Variants in NUBPL observed in about 807,000 individuals in gnomAD.
NUBPL encodes the protein iron-sulfur cluster transfer protein NUBPL.
Under a neutral mutation model 45.7 loss-of-function variants are expected in NUBPL, and 31 were observed. That is an observed-to-expected ratio of 0.68 (90% CI 0.51 to 0.92). The LOEUF (loss-of-function observed/expected upper bound fraction) is 0.92, where lower values mean the gene tolerates loss of function less well. NUBPL is among the 40% of genes least tolerant of loss of function. The pLI is 0.00. For missense variants in NUBPL, 401 were observed against 398.7 expected (o/e 1.01, Z -0.05); for synonymous variants, 144 against 140.9 (o/e 1.02, Z -0.15).
At chr14:31,722,214 G>T (rs7150042) in intron 6 of NUBPL, among the ~76,000 whole-genome samples, 19,434 of 151,982 alleles carry the variant, frequency 0.13, 3,348 homozygotes, top group African/African-American at 0.4. Context: ...TTTTCACTGT[G>T]TTTGCCAGGA....
chr14:31,603,898 T>A (rs1242879282), intron 4 of NUBPL, among the ~76,000 whole-genome samples: 1 of 152,124 alleles, frequency 6.6e-6, no homozygotes, highest in Non-Finnish European at 1.5e-5. Context: ...AGTAATGAAT[T>A]TGCATACTTT....
At chr14:31,818,012 T>G (rs2039951139) in intron 7 of NUBPL, among the ~76,000 whole-genome samples, 1 of 152,118 alleles carries the variant, frequency 6.6e-6, no homozygotes, top group Non-Finnish European at 1.5e-5. Flanking sequence ...AAGCATGGGT[T>G]GCAATCCTAG....
intron 4 of NUBPL, among the ~76,000 whole-genome samples, chr14:31,610,866 A>G (rs531366168): frequency 6.6e-6 from 1 of 152,310 alleles, no homozygotes; most frequent in South Asian, 2.1e-4. Context: ...AAAGCATTTG[A>G]TAAAATTCAA....
intron 4 of NUBPL, among the ~76,000 whole-genome samples, chr14:31,637,315 C>A (rs2035534872): frequency 6.6e-6 from 1 of 152,176 alleles, no homozygotes. Flanking sequence ...TTTCAAAGAA[C>A]ATCTTTATTT....
chr14:31,687,573 C>T (rs901841663), intron 6 of NUBPL, among the ~76,000 whole-genome samples: 1 of 152,196 alleles, frequency 6.6e-6, no homozygotes, highest in Non-Finnish European at 1.5e-5. Context: ...TTAGCTACCT[C>T]CTGTTGCTAT....
chr14:31,722,138 AG>A (rs2037823661), intron 6 of NUBPL, among the ~76,000 whole-genome samples: 2 of 152,092 alleles, frequency 1.3e-5, no homozygotes. Flanking sequence ...CTGGGACTAC[AG>A]GTGCCTGCCA....
chr14:31,758,145 G>T (rs538237746), intron 6 of NUBPL, among the ~76,000 whole-genome samples: 118 of 152,110 alleles, frequency 7.8e-4, no homozygotes, highest in Non-Finnish European at 1.3e-3. Flanking sequence ...ATCCATTAGA[G>T]TGTAAGTTCC....
At chr14:31,620,071 A>G (rs1232209896) in intron 4 of NUBPL, among the ~76,000 whole-genome samples, 4 of 151,742 alleles carry the variant, frequency 2.6e-5, no homozygotes, top group Admixed American at 6.6e-5. Context: ...TGCTTGATCA[A>G]TTCAGCTATT....
At chr14:31,755,078 T>A (rs1055648645) in intron 6 of NUBPL, among the ~76,000 whole-genome samples, 3 of 152,072 alleles carry the variant, frequency 2.0e-5, no homozygotes, top group African/African-American at 7.2e-5. Context: ...TGTGCCACAT[T>A]TTCTTAATCC....
intron 6 of NUBPL, among the ~76,000 whole-genome samples, chr14:31,702,893 T>G (rs1470285): frequency 0.3 from 44,991 of 152,112 alleles, 7,563 homozygotes; most frequent in South Asian, 0.41. Context: ...TTCCCCAATT[T>G]TTGTTTGGTG....
chr14:31,617,232 G>A (rs1010259108), intron 4 of NUBPL, among the ~76,000 whole-genome samples: 23 of 152,154 alleles, frequency 1.5e-4, no homozygotes, highest in African/African-American at 5.5e-4. Flanking sequence ...GGGACAGTTT[G>A]ACTTCCTCTC....
At chr14:31,717,988 C>G (rs780460651) in intron 6 of NUBPL, among the ~76,000 whole-genome samples, 2 of 152,144 alleles carry the variant, frequency 1.3e-5, no homozygotes, top group Non-Finnish European at 2.9e-5. Context: ...TTTGGTGACT[C>G]TTACCCACTG....
intron 4 of NUBPL, among the ~76,000 whole-genome samples, chr14:31,608,818 T>G (rs2034673952): frequency 6.6e-6 from 1 of 152,126 alleles, no homozygotes; most frequent in Non-Finnish European, 1.5e-5. Context: ...GTGGCCCAGT[T>G]TCTAACAGGC....
chr14:31,750,300 C>T (rs551748103), intron 6 of NUBPL, among the ~76,000 whole-genome samples: 6 of 150,514 alleles, frequency 4.0e-5, no homozygotes, highest in Admixed American at 1.3e-4. Context: ...TCAGCCTCTC[C>T]GAGTAGCTGG....
chr14:31,819,970 C>G (rs1346131257), intron 7 of NUBPL, among the ~76,000 whole-genome samples: 2 of 151,772 alleles, frequency 1.3e-5, no homozygotes, highest in African/African-American at 2.4e-5. Context: ...GAAACCCCAT[C>G]TCTACTAAAA....
intron 7 of NUBPL, among the ~76,000 whole-genome samples, chr14:31,813,688 C>A (rs1353823327): frequency 6.6e-6 from 1 of 152,088 alleles, no homozygotes; most frequent in African/African-American, 2.4e-5. Flanking sequence ...TCTCCCCTGG[C>A]CCCCAACCTC....
chr14:31,795,050 G>A (rs904634703), intron 7 of NUBPL, among the ~76,000 whole-genome samples: 57 of 140,134 alleles, frequency 4.1e-4, no homozygotes, highest in Admixed American at 2.6e-3. Flanking sequence ...GTAGATATGC[G>A]GCATTATTTT....
chr14:31,586,757 G>A (rs2034006068), intron 3 of NUBPL, among the ~76,000 whole-genome samples: 1 of 151,986 alleles, frequency 6.6e-6, no homozygotes, highest in Non-Finnish European at 1.5e-5. Flanking sequence ...TGGGAGGTGA[G>A]TTCTGCCTTT....
At chr14:31,853,486 C>G (rs975289908) in intron 10 of NUBPL, among the ~76,000 whole-genome samples, 1 of 152,168 alleles carries the variant, frequency 6.6e-6, no homozygotes, top group African/African-American at 2.4e-5. Flanking sequence ...TCACTCCATC[C>G]TCCCAGCACC....
Sources: allele counts gnomAD v4.1 joint callset (sites outside exome capture counted in the v4.1 genomes callset), GRCh38; gene constraint gnomAD v4.1.1; transcripts MANE v1.5; gene names NCBI Gene and HGNC (gene_info 2026-07-23, HGNC 2026-07-21).